The following CSNK1D variants were observed in gnomAD, a reference collection of about 807,000 sequenced individuals.
CSNK1D encodes the protein casein kinase I isoform delta.
In CSNK1D, 16 loss-of-function variants were observed where a neutral mutation model predicts 46.6. The observed-to-expected ratio is 0.34, with a 90% CI of 0.23 to 0.52. The LOEUF is 0.52. Among genes scored for constraint, CSNK1D ranks in the 20% least tolerant of loss-of-function variants. The pLI is 0.95. For synonymous variants in CSNK1D, 276 were observed against 228.2 expected, an observed-to-expected ratio of 1.21 and a Z score of -1.89; for missense variants, 398 against 578.4, an observed-to-expected ratio of 0.69 and a Z score of 3.20.
chr17:82,268,140 C>T (rs754682123), intron 1 of CSNK1D, among the ~76,000 whole-genome samples: 25 of 152,216 alleles, frequency 1.6e-4, no homozygotes, highest in Non-Finnish European at 3.1e-4. Context: ...GGATGCAGGT[C>T]CTGTACACAG....
chr17:82,265,448 G>A, intron 2 of CSNK1D: 2 of 506,952 alleles, frequency 3.9e-6, no homozygotes, highest in Middle Eastern at 5.5e-4. Context: ...CAAAGTGCTG[G>A]GATTCCAGGC....
chr17:82,264,273 G>A (rs930543186), intron 2 of CSNK1D, among the ~76,000 whole-genome samples: 4 of 152,228 alleles, frequency 2.6e-5, no homozygotes, highest in East Asian at 1.9e-4. Flanking sequence ...CTCCACAGAC[G>A]TGGCACAGCC....
Sources: allele counts gnomAD v4.1 joint callset (sites outside exome capture counted in the v4.1 genomes callset), GRCh38; gene constraint gnomAD v4.1.1; transcripts MANE v1.5; gene names NCBI Gene and HGNC (gene_info 2026-07-23, HGNC 2026-07-21).